The following PHKB variants were observed in gnomAD, a reference collection of about 807,000 sequenced individuals.
PHKB encodes the protein phosphorylase kinase regulatory subunit beta, also known as phosphorylase b kinase regulatory subunit beta.
PHKB carries 122 observed loss-of-function variants against 152.1 expected under a neutral mutation model. That is an observed-to-expected ratio of 0.80 (90% CI 0.69 to 0.93). The LOEUF is 0.93. Ranked by LOEUF, PHKB falls within the 40% of genes least tolerant of loss-of-function variation. PHKB has a pLI of 0.00. For missense variants in PHKB, 1,304 were observed against 1,328.4 expected (o/e 0.98, Z 0.29); for synonymous variants, 436 against 464.9 (o/e 0.94, Z 0.80).
At chr16:47,626,409 A>C (rs926248143) in intron 14 of PHKB, among the ~76,000 whole-genome samples, 1 of 152,226 alleles carries the variant, frequency 6.6e-6, no homozygotes, top group Non-Finnish European at 1.5e-5. Flanking sequence ...TTAGATGAGC[A>C]TCAAGTGCCA....
chr16:47,610,826 C>A lies in PHKB; in HGVS notation c.1364C>A (p.Ala455Asp). The A allele has an allele frequency of 6.3e-7, 1 of 1,581,144 alleles. No homozygotes were observed. The highest frequency in any genetic ancestry group is 1.1e-5 in the South Asian group (1 of 90,360). ...QALYIIAKLL[A>D]DELISPKDID... The stretch of plus-strand genomic sequence containing the variant: ...ATGTCATTCCCCTTCTTTTTTTCAG[C>A]TGATGAACTTATTAGTCCTAAAGAC... Residue 455 changes from alanine (A) to aspartate (D), a missense_variant and splice_region_variant, in exon 14 of 31, where the codon GCT becomes GAT. Transcript: ENST00000323584.
chr16:47,524,656 A>T (rs1970737379), intron 6 of PHKB, among the ~76,000 whole-genome samples: 1 of 152,166 alleles, frequency 6.6e-6, no homozygotes, highest in South Asian at 2.1e-4. Flanking sequence ...TTTTCTTTGC[A>T]GTATCTGTGT....
At chr16:47,654,036 A>G (rs919240379) in intron 20 of PHKB, among the ~76,000 whole-genome samples, 1 of 152,244 alleles carries the variant, frequency 6.6e-6, no homozygotes, top group South Asian at 2.1e-4. Context: ...CACAAAGAGT[A>G]GTAGATAACA....
intron 20 of PHKB, among the ~76,000 whole-genome samples, chr16:47,659,545 T>C (rs1973400572): frequency 6.6e-6 from 1 of 152,250 alleles, no homozygotes; most frequent in African/African-American, 2.4e-5. Flanking sequence ...TCATTTATAC[T>C]GTTCATACTG....
At position 47,543,634 on chromosome 16, in the gene PHKB, CT is replaced by C. The variant is rs1211939017; in HGVS notation, c.595-3792del. 5.9e-5 allele frequency among the ~76,000 whole-genome samples: 9 copies of C among 152,208 alleles called. No individual in the cohort carries two copies. In the East Asian group the frequency reaches 1.7e-3, roughly 29 times the overall value. On this transcript the variant is annotated intron_variant, in intron 6 of 30. Transcript: ENST00000323584. ...GGCTGTGAATCCATCTGGTCCTGGA[CT>C]TTTTTTGGTTGGTAGGCTATTAATT...
At chr16:47,503,123 C>A in intron 4 of PHKB, 33 bp downstream of exon 4, 2 of 1,283,642 alleles carry the variant, frequency 1.6e-6, no homozygotes, top group South Asian at 1.2e-5. Flanking sequence ...GGAATTCTCC[C>A]ATCATTCTGA....
intron 14 of PHKB, among the ~76,000 whole-genome samples, chr16:47,624,054 T>A (rs1026669308): frequency 6.6e-6 from 1 of 152,218 alleles, no homozygotes; most frequent in East Asian, 1.9e-4. Context: ...ATTCCTATAA[T>A]TTTTGTATAT....
At chr16:47,672,180 T>C (rs1973649537) in intron 26 of PHKB, among the ~76,000 whole-genome samples, 1 of 152,174 alleles carries the variant, frequency 6.6e-6, no homozygotes, top group African/African-American at 2.4e-5. Flanking sequence ...GTCTCTTCTT[T>C]CTTTTGATTG....
chr16:47,677,786 T>C (rs1973761548), intron 26 of PHKB, among the ~76,000 whole-genome samples: 1 of 151,860 alleles, frequency 6.6e-6, no homozygotes, highest in South Asian at 2.1e-4. Flanking sequence ...TTTTTTTTTA[T>C]ACTTTAAGTT....
chr16:47,539,139 C>G (rs1350674822), intron 6 of PHKB, among the ~76,000 whole-genome samples: 1 of 152,112 alleles, frequency 6.6e-6, no homozygotes, highest in African/African-American at 2.4e-5. Flanking sequence ...TCCATAGTTT[C>G]TTTTGAGAGT....
At chr16:47,479,847 G>A (rs1969933686) in intron 1 of PHKB, among the ~76,000 whole-genome samples, 2 of 152,128 alleles carry the variant, frequency 1.3e-5, no homozygotes, top group South Asian at 4.1e-4. Flanking sequence ...GGCTGTTTTT[G>A]CAGCTTCCTT....
intron 26 of PHKB, among the ~76,000 whole-genome samples, chr16:47,674,716 C>T (rs1312009551): frequency 6.6e-6 from 1 of 152,182 alleles, no homozygotes; most frequent in African/African-American, 2.4e-5. Context: ...GGGTAGATGT[C>T]ATTGTTCGAA....
chr16:47,671,217 A>G (rs1973632375), intron 26 of PHKB, among the ~76,000 whole-genome samples: 1 of 152,126 alleles, frequency 6.6e-6, no homozygotes, highest in Admixed American at 6.6e-5. Context: ...AGCTTGCTAT[A>G]TTGTCTTCCA....
chr16:47,528,845 T>C (rs1173504090), intron 6 of PHKB, among the ~76,000 whole-genome samples: 2 of 151,978 alleles, frequency 1.3e-5, no homozygotes, highest in East Asian at 3.9e-4. Flanking sequence ...TACAGGCACC[T>C]GCCACTGCAC....
chr16:47,549,760 A>G (rs1463620228), intron 7 of PHKB, among the ~76,000 whole-genome samples: 1 of 152,310 alleles, frequency 6.6e-6, no homozygotes, highest in East Asian at 1.9e-4. Context: ...AAAAGTTACT[A>G]CTGACCCTAG....
chr16:47,631,391 G>A (rs898688795), intron 14 of PHKB, among the ~76,000 whole-genome samples: 11 of 152,188 alleles, frequency 7.2e-5, no homozygotes, highest in African/African-American at 2.7e-4. Context: ...TGAATAACAC[G>A]TGGCACATAG....
chr16:47,566,726 A>G (rs1971574091), intron 7 of PHKB: 4 of 768,370 alleles, frequency 5.2e-6, no homozygotes, highest in African/African-American at 3.4e-5. Context: ...CTTCATCATT[A>G]CTGTTCCAAG....
intron 26 of PHKB, among the ~76,000 whole-genome samples, chr16:47,683,222 TGAG>T (rs1973897081): frequency 6.6e-6 from 1 of 152,226 alleles, no homozygotes; most frequent in African/African-American, 2.4e-5. Flanking sequence ...AGGACCTACT[TGAG>T]GAGGCAGTCT....
chr16:47,516,456 G>A (rs773042906), intron 6 of PHKB, among the ~76,000 whole-genome samples: 10 of 152,154 alleles, frequency 6.6e-5, no homozygotes, highest in Admixed American at 1.3e-4. Context: ...AAACACACAA[G>A]CACATGCGCT....
Sources: allele counts gnomAD v4.1 joint callset (sites outside exome capture counted in the v4.1 genomes callset), GRCh38; gene constraint gnomAD v4.1.1; transcripts MANE v1.5; gene names NCBI Gene and HGNC (gene_info 2026-07-23, HGNC 2026-07-21).